The following FBXO4 variants were observed in gnomAD, a reference collection of about 807,000 sequenced individuals.
FBXO4 encodes the protein F-box protein 4, also known as F-box only protein 4.
In FBXO4, 36 loss-of-function variants were observed where a neutral mutation model predicts 43.7. That is an observed-to-expected ratio of 0.82 (90% CI 0.63 to 1.09). FBXO4 has a LOEUF of 1.09. FBXO4 is among the 50% of genes least tolerant of loss of function. FBXO4 has a pLI of 0.00. For missense variants in FBXO4, 435 were observed against 474.1 expected, an observed-to-expected ratio of 0.92 and a Z score of 0.77; for synonymous variants, 180 against 165.6, an observed-to-expected ratio of 1.09 and a Z score of -0.67.
the FBXO4 span, among the ~76,000 whole-genome samples, chr5:42,027,505 T>C: frequency 6.7e-6 from 1 of 149,456 alleles, no homozygotes; most frequent in Non-Finnish European, 1.5e-5. Context: ...TTTGTTTCAT[T>C]GATCTTTTGT....
At chr5:42,037,792 A>T in the FBXO4 span, among the ~76,000 whole-genome samples, 1 of 152,002 alleles carries the variant, frequency 6.6e-6, no homozygotes, top group Non-Finnish European at 1.5e-5. Flanking sequence ...ACCCCAACTA[A>T]TCAATGACCT....
the FBXO4 span, among the ~76,000 whole-genome samples, chr5:41,981,555 A>G: frequency 8.6e-4 from 131 of 152,128 alleles, 1 homozygote; most frequent in African/African-American, 3.1e-3. Context: ...ACTCTACTGA[A>G]TAAAAAGAAA....
intron 2 of FBXO4, among the ~76,000 whole-genome samples, chr5:41,929,314 T>G (rs945396512): frequency 6.6e-6 from 1 of 152,232 alleles, no homozygotes; most frequent in Non-Finnish European, 1.5e-5. Context: ...GACAATAAAC[T>G]TGTTGTTCAG....
chr5:41,955,683 G>C, the FBXO4 span, among the ~76,000 whole-genome samples: 2 of 152,162 alleles, frequency 1.3e-5, no homozygotes. Context: ...GCTGCCTAGC[G>C]AGTGAGCCAG....
the FBXO4 span, among the ~76,000 whole-genome samples, chr5:42,030,897 A>G: frequency 2.6e-5 from 4 of 152,204 alleles, no homozygotes; most frequent in Admixed American, 1.3e-4. Flanking sequence ...GCAAATCAAA[A>G]CCACAATGAG....
At chr5:41,962,187 G>A in the FBXO4 span, among the ~76,000 whole-genome samples, 6 of 152,152 alleles carry the variant, frequency 3.9e-5, no homozygotes, top group Non-Finnish European at 7.3e-5. Flanking sequence ...AGTTTCTTTA[G>A]ACTTATTTTA....
At chr5:42,014,755 T>C in the FBXO4 span, among the ~76,000 whole-genome samples, 1 of 152,150 alleles carries the variant, frequency 6.6e-6, no homozygotes, top group Non-Finnish European at 1.5e-5. Context: ...CTTTTTGAGA[T>C]CAGGGATATA....
chr5:42,030,810 C>G, the FBXO4 span, among the ~76,000 whole-genome samples: 6 of 152,182 alleles, frequency 3.9e-5, no homozygotes, highest in African/African-American at 1.4e-4. Context: ...TATGAACAGA[C>G]ACTTCTCAAA....
chr5:41,939,419 G>T, intron 5 of FBXO4, 22 bp from the exon 6 acceptor site: 1 of 1,560,562 alleles, frequency 6.4e-7, no homozygotes, highest in Non-Finnish European at 8.7e-7. Context: ...GCAAATTAAG[G>T]GTTTTGACTT....
chr5:41,991,507 T>C, the FBXO4 span, among the ~76,000 whole-genome samples: 5 of 152,198 alleles, frequency 3.3e-5, no homozygotes, highest in South Asian at 1.0e-3. Context: ...TCCTAAACAT[T>C]GGTTGAGAAA....
chr5:41,991,020 A>G, the FBXO4 span, among the ~76,000 whole-genome samples: 14 of 152,180 alleles, frequency 9.2e-5, no homozygotes, highest in Non-Finnish European at 1.6e-4. Flanking sequence ...GATGAATTAA[A>G]TATGATGGGT....
chr5:41,952,908 C>T, the FBXO4 span, among the ~76,000 whole-genome samples: 3 of 151,710 alleles, frequency 2.0e-5, no homozygotes, highest in Admixed American at 1.3e-4. Context: ...TAAAGTTTTT[C>T]CTCTCATTAA....
In FBXO4 at chr5:41,934,253, AG is replaced by A; in HGVS notation, c.844del (p.Val282CysfsTer5). ...RYSVIPQIQK[V>X]CEVVDGFIYV... ...ACAGTGTGATTCCACAGATTCAAAA[AG>A]TGTGTGAAGTTGTAGATGGGTTCAT... On this transcript the variant is annotated frameshift_variant, in exon 5 of 7. Coordinates refer to ENST00000281623, the MANE Select transcript of FBXO4 (RefSeq NM_012176.3). LOFTEE classifies it high-confidence loss of function. 6.2e-7 allele frequency: 1 copy of A among 1,614,204 alleles called. No individual in the cohort carries two copies. Among genetic ancestry groups the A allele is most frequent in the Non-Finnish European group, 8.5e-7 (1 of 1,180,024 alleles).
At chr5:42,021,421 A>G in the FBXO4 span, among the ~76,000 whole-genome samples, 1 of 152,170 alleles carries the variant, frequency 6.6e-6, no homozygotes, top group African/African-American at 2.4e-5. Flanking sequence ...TCATATTGTC[A>G]TTGAAATTGG....
At chr5:41,965,360 A>G in the FBXO4 span, among the ~76,000 whole-genome samples, 3 of 152,124 alleles carry the variant, frequency 2.0e-5, no homozygotes, top group African/African-American at 4.8e-5. Flanking sequence ...TTGACTTGGC[A>G]ATATGGGCTC....
chr5:41,954,070 G>T, the FBXO4 span, among the ~76,000 whole-genome samples: 1 of 152,090 alleles, frequency 6.6e-6, no homozygotes, highest in Non-Finnish European at 1.5e-5. Context: ...TGGCTAAAAA[G>T]AAAATAAAGC....
chr5:42,038,780 C>T, the FBXO4 span, among the ~76,000 whole-genome samples: 8 of 151,954 alleles, frequency 5.3e-5, 1 homozygote, highest in African/African-American at 1.7e-4. Flanking sequence ...CTATCCTTCC[C>T]AGCCTCTGGC....
the FBXO4 span, among the ~76,000 whole-genome samples, chr5:42,021,341 A>G: frequency 6.6e-6 from 1 of 152,218 alleles, no homozygotes; most frequent in African/African-American, 2.4e-5. Context: ...TGATTAATTG[A>G]CTAGAGAGGG....
In FBXO4 at chr5:41,934,145, T is replaced by G; in HGVS notation, c.735T>G (p.Asp245Glu). ...ATTTTTTTTCTAGAAAGGAAAGAGA[T>G]AGAGCAAGGGAAGAGCATACAAGTG... ...ILYSTTRKER[D>E]RAREEHTSAV... is the part of the protein sequence containing the mutation. Residue 245 changes from aspartate (D) to glutamate (E), a missense_variant, in exon 5 of 7, where the codon GAT becomes GAG. Coordinates refer to ENST00000281623, the MANE Select transcript of FBXO4 (RefSeq NM_012176.3). 1.2e-6 allele frequency: 2 copies of G among 1,613,950 alleles called. No homozygotes were observed. The highest frequency in any genetic ancestry group is 1.7e-6 in the Non-Finnish European group (2 of 1,179,934).
Sources: gnomAD v4.1 joint callset for allele counts (sites outside exome capture counted in the v4.1 genomes callset) on GRCh38, gnomAD v4.1.1 for gene constraint, MANE v1.5 for transcripts, NCBI Gene and HGNC (gene_info 2026-07-23, HGNC 2026-07-21) for gene names.